RPH3A: variants seen among roughly 807,000 people sequenced by gnomAD.
The protein encoded by RPH3A is rabphilin-3A.
A neutral mutation model predicts 102.2 loss-of-function variants in RPH3A; 48 were observed. That is an observed-to-expected ratio of 0.47 (90% CI 0.37 to 0.60). The LOEUF (loss-of-function observed/expected upper bound fraction) is 0.60. RPH3A is among the 20% of genes least tolerant of loss of function. RPH3A has a pLI of 0.00. For missense variants in RPH3A, 781 were observed against 910.1 expected (o/e 0.86, Z 1.83); for synonymous variants, 310 against 324.3 (o/e 0.96, Z 0.47).
intron 4 of RPH3A, among the ~76,000 whole-genome samples, 188 bp downstream of exon 4, chr12:112,836,690 T>A (rs1268164315): frequency 5.4e-5 from 8 of 149,340 alleles, no homozygotes; most frequent in African/African-American, 9.8e-5. Flanking sequence ...TTTATAAAAT[T>A]AAAAAAAAAA....
At chr12:112,748,924 G>A (rs1191499481) in intron 1 of RPH3A, among the ~76,000 whole-genome samples, 2 of 151,912 alleles carry the variant, frequency 1.3e-5, no homozygotes, top group African/African-American at 4.8e-5. Flanking sequence ...TTTAAAAGCT[G>A]GAACATGCCA....
chr12:112,713,057 T>TCTTCTC lies in RPH3A; in HGVS notation c.-139-79081_-139-79080insCCTTCT, dbSNP rs1277479391. On this transcript the variant is annotated intron_variant, in intron 1 of 21. Coordinates refer to the RPH3A transcript ENST00000543106. ...TTCTTCTTCTTCTTCTTCTCCTTCT[T>TCTTCTC]CTTCTTCTTCTTCTTCTTCTTCTTC... Among the ~76,000 whole-genome samples, 164 of 85,740 alleles carry TCTTCTC rather than the reference T, an allele frequency of 1.9e-3. 2 individuals are homozygous for TCTTCTC. Among genetic ancestry groups the TCTTCTC allele is most frequent in the Non-Finnish European group, 3.7e-3 (130 of 34,960 alleles). The allele number at this position is 85,740 out of a possible 152,430, so 56.2% of individuals were successfully genotyped here. A position where few individuals can be genotyped will look rare whatever the true frequency, so the allele number is the denominator to read the frequency against.
intron 5 of RPH3A, among the ~76,000 whole-genome samples, chr12:112,865,112 G>C (rs769750410): frequency 6.6e-6 from 1 of 152,142 alleles, no homozygotes; most frequent in South Asian, 2.1e-4. Context: ...TAAATTTAAC[G>C]CTCAGAAGGC....
chr12:112,689,560 A>G (rs2040291730), intron 1 of RPH3A, among the ~76,000 whole-genome samples: 1 of 152,238 alleles, frequency 6.6e-6, no homozygotes, highest in South Asian at 2.1e-4. Context: ...TTGATATTGG[A>G]TAATTTCTAA....
intron 1 of RPH3A, among the ~76,000 whole-genome samples, chr12:112,692,496 TTCAAGTGC>T (rs1211952637): frequency 4.6e-5 from 7 of 152,082 alleles, no homozygotes; most frequent in Non-Finnish European, 7.4e-5. Context: ...CCAGCCAAAT[TTCAAGTGC>T]TCAACAGCCA....
chr12:112,661,784 T>A (rs1752422758), intron 1 of RPH3A, among the ~76,000 whole-genome samples: 2 of 152,136 alleles, frequency 1.3e-5, no homozygotes, highest in African/African-American at 4.8e-5. Context: ...AAGGAAGTGA[T>A]TTTGGAAGCA....
chr12:112,895,493 T>C, intron 20 of RPH3A: 1 of 346,542 alleles, frequency 2.9e-6, no homozygotes, highest in Non-Finnish European at 5.4e-6. Context: ...GCCATTTACC[T>C]ACAAGGAAAC....
intron 1 of RPH3A, among the ~76,000 whole-genome samples, chr12:112,721,044 A>T (rs985666330): frequency 1.3e-5 from 2 of 152,198 alleles, no homozygotes; most frequent in African/African-American, 4.8e-5. Flanking sequence ...TTTCTCATCC[A>T]TCTGACAAAT....
chr12:112,754,589 T>C (rs1379241973), intron 1 of RPH3A, among the ~76,000 whole-genome samples: 1 of 152,174 alleles, frequency 6.6e-6, no homozygotes, highest in African/African-American at 2.4e-5. Flanking sequence ...GAGCTTCAAA[T>C]TTGGCACTGA....
intron 4 of RPH3A, among the ~76,000 whole-genome samples, chr12:112,841,707 G>GT (rs761403652): frequency 0.01 from 1,495 of 144,984 alleles, 24 homozygotes; most frequent in African/African-American, 0.029. Flanking sequence ...TGTTTTTTTG[G>GT]TTTTTTTTTT....
At chr12:112,742,245 C>T (rs751635447) in intron 1 of RPH3A, among the ~76,000 whole-genome samples, 3 of 152,018 alleles carry the variant, frequency 2.0e-5, no homozygotes, top group Non-Finnish European at 4.4e-5. Context: ...CTTTGGGCCC[C>T]CTGTGGAATA....
intron 1 of RPH3A, among the ~76,000 whole-genome samples, chr12:112,712,944 TC>T (rs2040479055): frequency 1.7e-5 from 2 of 115,490 alleles, no homozygotes; most frequent in African/African-American, 5.8e-5. Flanking sequence ...TTCTTCTTCT[TC>T]TTCTTCTTCT....
In RPH3A at chr12:112,694,601, GAGAC is replaced by G. The variant is rs1227186480; in HGVS notation, c.-139-97534_-139-97531del. ...AGAGAGAAAGGCAGAGAGAGAGAGAGAGACAGACAGAGAGAGACAAAGACACACG... is the reference window on the plus strand; with the variant it reads ...AGAGAGAAAGGCAGAGAGAGAGAGAGAGACAGAGAGAGACAAAGACACACG... On this transcript the variant is annotated intron_variant, in intron 1 of 21. Coordinates refer to the RPH3A transcript ENST00000543106. Among the ~76,000 whole-genome samples the G allele has an allele frequency of 5.3e-5, 8 of 151,986 alleles. 1 individual carries two copies. The East Asian group carries it at 5.8e-4, about 11-fold the overall frequency.
intron 1 of RPH3A, among the ~76,000 whole-genome samples, chr12:112,711,526 G>C (rs2040461891): frequency 6.6e-6 from 1 of 152,144 alleles, no homozygotes; most frequent in Admixed American, 6.5e-5. Context: ...GCATTACTTG[G>C]CATAGATGTT....
chr12:112,873,216 A>G (rs901680539), intron 10 of RPH3A, among the ~76,000 whole-genome samples: 5 of 152,222 alleles, frequency 3.3e-5, no homozygotes, highest in African/African-American at 1.2e-4. Context: ...TGCATGGGTC[A>G]TACTGATCCA....
intron 1 of RPH3A, among the ~76,000 whole-genome samples, chr12:112,621,723 G>A (rs1010775177): frequency 2.0e-5 from 3 of 152,154 alleles, no homozygotes; most frequent in Admixed American, 6.5e-5. Context: ...AAGGAGGCCT[G>A]CCTGCCACTG....
Position 112,878,312 on chromosome 12 carries a change from C to T in RPH3A, c.1172-807C>T, listed in dbSNP as rs61218810. Among the ~76,000 whole-genome samples the T allele has an allele frequency of 4.2e-3, 634 of 152,290 alleles. 4 individuals are homozygous for T. Among genetic ancestry groups the T allele is most frequent in the African/African-American group, 0.015 (624 of 41,556 alleles). ...CCCAACCCACCAAGCATAGATGAGTCCTCCCAGCCTCATGTCTGTCCCTGT... is the reference window on the plus strand; with the variant it reads ...CCCAACCCACCAAGCATAGATGAGTTCTCCCAGCCTCATGTCTGTCCCTGT... On this transcript the variant is annotated intron_variant, in intron 13 of 21. Coordinates refer to ENST00000389385, the MANE Select transcript of RPH3A (RefSeq NM_001143854.2).
rs1228286001 is a variant in RPH3A at position 112,897,204 on chromosome 12, A to G, written c.*424A>G. 1 of 171,764 alleles carries G rather than the reference A, an allele frequency of 5.8e-6. No individual in the cohort carries two copies. Among genetic ancestry groups the G allele is most frequent in the African/African-American group, 2.4e-5 (1 of 42,360 alleles). The allele number at this position is 171,764 out of a possible 1,614,324, so 10.6% of individuals were successfully genotyped here. A position where few individuals can be genotyped will look rare whatever the true frequency, so the allele number is the denominator to read the frequency against. Reference sequence around the variant, plus strand: ...TTCATTCCCTGTGTTGTGTCTCTGTATATCCCCAGTTGTCAGCAGACCCGG... The same window carrying G: ...TTCATTCCCTGTGTTGTGTCTCTGTGTATCCCCAGTTGTCAGCAGACCCGG... On this transcript the variant is annotated 3_prime_UTR_variant, in exon 22 of 22. Transcript: ENST00000389385.
chr12:112,577,541 G>A lies in RPH3A; in HGVS notation c.-140+2222G>A, dbSNP rs562136912. Among the ~76,000 whole-genome samples the A allele has an allele frequency of 1.1e-4, 17 of 152,292 alleles. 1 individual carries two copies. In the East Asian group the frequency reaches 3.1e-3, roughly 28 times the overall value. ...TACCATATGCTGTTTCATCAGCAAA[G>A]TCTTTGTGACCTGTATCTTGTGCCG... On this transcript the variant is annotated intron_variant, in intron 1 of 21. Transcript: ENST00000543106.
Sources: gnomAD v4.1 joint callset for allele counts (sites outside exome capture counted in the v4.1 genomes callset) on GRCh38, gnomAD v4.1.1 for gene constraint, MANE v1.5 for transcripts, NCBI Gene and HGNC (gene_info 2026-07-23, HGNC 2026-07-21) for gene names.